The following DRC1 variants were observed in gnomAD, a reference collection of about 807,000 sequenced individuals.
DRC1 encodes the protein dynein regulatory complex protein 1.
In DRC1, 74 loss-of-function variants were observed where a neutral mutation model predicts 98.7. The observed-to-expected ratio is 0.75, with a 90% CI of 0.62 to 0.91. DRC1 has a LOEUF of 0.91. Ranked by LOEUF, DRC1 falls within the 40% of genes least tolerant of loss-of-function variation. DRC1 has a pLI of 0.00. For missense variants in DRC1, 875 were observed against 886.0 expected, an observed-to-expected ratio of 0.99 and a Z score of 0.16; for synonymous variants, 336 against 334.1, an observed-to-expected ratio of 1.01 and a Z score of -0.06.
intron 2 of DRC1, among the ~76,000 whole-genome samples, chr2:26,416,674 A>G (rs1037130778): frequency 3.3e-5 from 5 of 152,160 alleles, no homozygotes; most frequent in African/African-American, 1.2e-4. Context: ...TGAAAAGATC[A>G]TCCTTTCCCC....
chr2:26,427,140 A>G (rs1457836584), intron 4 of DRC1, among the ~76,000 whole-genome samples: 1 of 151,898 alleles, frequency 6.6e-6, no homozygotes, highest in Non-Finnish European at 1.5e-5. Context: ...TTTTTGAGAC[A>G]GAGTCTCGCT....
In DRC1 at chr2:26,444,376, C is replaced by T. The variant is rs3795959; in HGVS notation, c.1163+20C>T. ...CATGAGGTATCTTAAGGACTTGGTC[C>T]TAAGGCACTTGTCCTAGCATAGAGG... On this transcript the variant is annotated intron_variant, in intron 9 of 16. Coordinates refer to ENST00000288710, the MANE Select transcript of DRC1 (RefSeq NM_145038.5). The T allele has an allele frequency of 1.6e-4, 254 of 1,610,946 alleles. 2 individuals are homozygous for T. The East Asian group carries it at 5.6e-3, about 36-fold the overall frequency.
intron 10 of DRC1, 89 bp from the exon 11 acceptor site, chr2:26,448,601 AG>A (rs35086822): frequency 2.3e-6 from 3 of 1,320,822 alleles, no homozygotes; most frequent in Non-Finnish European, 3.2e-6. Context: ...CATTTTCTCA[AG>A]GAAAGCCATC....
At chr2:26,429,362 T>C (rs1663371795) in intron 4 of DRC1, among the ~76,000 whole-genome samples, 1 of 151,986 alleles carries the variant, frequency 6.6e-6, no homozygotes. Context: ...ACCACAGGCG[T>C]GCACCACCAC....
intron 3 of DRC1, 131 bp from the exon 4 acceptor site, chr2:26,424,140 T>G: frequency 9.9e-7 from 1 of 1,012,234 alleles, no homozygotes; most frequent in Non-Finnish European, 1.5e-6. Context: ...GAGTTTGATT[T>G]TGGGCGGGTG....
intron 10 of DRC1, among the ~76,000 whole-genome samples, chr2:26,445,376 AT>A (rs1663826341): frequency 6.6e-6 from 1 of 152,156 alleles, no homozygotes; most frequent in Non-Finnish European, 1.5e-5. Flanking sequence ...TTCCTCAGCA[AT>A]TTGCTACCCT....
intron 11 of DRC1, among the ~76,000 whole-genome samples, chr2:26,449,776 T>C (rs1469004921): frequency 6.6e-6 from 1 of 152,154 alleles, no homozygotes; most frequent in African/African-American, 2.4e-5. Context: ...GAGGATGGGC[T>C]TTGTCCCTGG....
At chr2:26,417,755 C>T (rs116560070) in intron 2 of DRC1, among the ~76,000 whole-genome samples, 2 of 152,110 alleles carry the variant, frequency 1.3e-5, no homozygotes, top group East Asian at 3.9e-4. Context: ...TAATTTGGCT[C>T]AGCAATGTTT....
intron 2 of DRC1, 22 bp from the exon 3 acceptor site, chr2:26,421,266 A>G (rs554368476): frequency 1.2e-6 from 2 of 1,606,470 alleles, no homozygotes; most frequent in East Asian, 4.5e-5. Flanking sequence ...AGCTTTGTAA[A>G]TTCTTATATC....
intron 10 of DRC1, among the ~76,000 whole-genome samples, chr2:26,447,993 G>C (rs558901779): frequency 6.6e-6 from 1 of 151,650 alleles, no homozygotes; most frequent in Non-Finnish European, 1.5e-5. Flanking sequence ...GGGAGGCCGA[G>C]GCAGGCAGAT....
chr2:26,444,027 G>A (rs998818803), intron 8 of DRC1, among the ~76,000 whole-genome samples, 195 bp from the exon 9 acceptor site: 3 of 152,138 alleles, frequency 2.0e-5, no homozygotes, highest in Non-Finnish European at 4.4e-5. Context: ...TTTCGTTTTG[G>A]ACTGTCCCAA....
At chr2:26,443,694 G>A (rs568223894) in intron 8 of DRC1, among the ~76,000 whole-genome samples, 5 of 152,300 alleles carry the variant, frequency 3.3e-5, no homozygotes, top group South Asian at 2.1e-4. Context: ...TAATGAATAC[G>A]TGGATGAGTG....
At position 26,450,640 on chromosome 2, in the gene DRC1, T is replaced by G; in HGVS notation, c.1648T>G (p.Phe550Val). The change falls in exon 13 of 17, where the codon TTC becomes GTC. Residue 550 changes from phenylalanine (F) to valine (V), a missense_variant. By Grantham distance (50) the Phe-to-Val change is conservative. Coordinates refer to ENST00000288710, the MANE Select transcript of DRC1 (RefSeq NM_145038.5). ...EDDLYKLVNF[F>V]LKYRAHRLSS... ...TGACTTGTATAAACTGGTGAACTTC[T>G]TCCTTAAATATCGAGCTCACCGTTT... The G allele has an allele frequency of 9.9e-6, 16 of 1,610,954 alleles. No individual in the cohort carries two copies. Among genetic ancestry groups the G allele is most frequent in the Non-Finnish European group, 1.4e-5 (16 of 1,178,590 alleles).
intron 1 of DRC1, among the ~76,000 whole-genome samples, chr2:26,410,742 C>T (rs974977147): frequency 1.3e-5 from 2 of 152,050 alleles, no homozygotes; most frequent in South Asian, 2.1e-4. Context: ...TAGACCCACC[C>T]TAAGGCACAC....
chr2:26,442,797 C>T (rs1029935218), intron 8 of DRC1, among the ~76,000 whole-genome samples: 2 of 152,192 alleles, frequency 1.3e-5, no homozygotes, highest in Non-Finnish European at 2.9e-5. Context: ...GCATCTCTAG[C>T]TTCCAGGCAC....
In DRC1 at chr2:26,429,723, G is replaced by A; in HGVS notation, c.636G>A (p.Lys212=). 6.2e-7 allele frequency: 1 copy of A among 1,614,092 alleles called. No individual in the cohort carries two copies. ...TGGAGCGGATGGAAGAACAGGTGAAGAATGTGATGAAAACCTTTCGTGAGG... is the reference window on the plus strand; with the variant it reads ...TGGAGCGGATGGAAGAACAGGTGAAAAATGTGATGAAAACCTTTCGTGAGG... ...LLLERMEEQV[K]NVMKTFREEL... The change falls in exon 5 of 17, where the codon AAG becomes AAA. Residue 212 remains lysine (K), a synonymous_variant. Transcript: ENST00000288710.
At chr2:26,421,507 C>A in intron 3 of DRC1, 107 bp downstream of exon 3, 1 of 698,698 alleles carries the variant, frequency 1.4e-6, no homozygotes. Context: ...TAGACAATTC[C>A]CTTCCTGCCC....
intron 1 of DRC1, among the ~76,000 whole-genome samples, chr2:26,413,397 A>G (rs956237910): frequency 1.6e-4 from 25 of 152,210 alleles, no homozygotes; most frequent in African/African-American, 5.8e-4. Context: ...GGGAAGGCAC[A>G]TTTAAGCTTT....
rs917235815 is a variant in DRC1 at position 26,429,719 on chromosome 2, T to C, written c.632T>C (p.Val211Ala). ...CLLLERMEEQ[V>A]KNVMKTFREE... Reference sequence around the variant, plus strand: ...CTTCTGGAGCGGATGGAAGAACAGGTGAAGAATGTGATGAAAACCTTTCGT... The same window carrying C: ...CTTCTGGAGCGGATGGAAGAACAGGCGAAGAATGTGATGAAAACCTTTCGT... The change falls in exon 5 of 17, where the codon GTG (valine) becomes GCG (alanine). Residue 211 changes from valine to alanine, a missense_variant. Val to Ala is a moderately conservative substitution (Grantham distance 64). Coordinates refer to ENST00000288710, the MANE Select transcript of DRC1 (RefSeq NM_145038.5). The C allele has an allele frequency of 6.2e-7, 1 of 1,613,904 alleles. No homozygotes were observed. Among genetic ancestry groups the C allele is most frequent in the African/African-American group, 1.3e-5 (1 of 74,874 alleles).
Sources: gnomAD v4.1 joint callset for allele counts (sites outside exome capture counted in the v4.1 genomes callset) on GRCh38, gnomAD v4.1.1 for gene constraint, MANE v1.5 for transcripts, NCBI Gene and HGNC (gene_info 2026-07-23, HGNC 2026-07-21) for gene names.